Variants in SASH1 observed in about 807,000 individuals in gnomAD.
SASH1 encodes the protein SAM and SH3 domain-containing protein 1.
SASH1 carries 44 observed loss-of-function variants against 125.2 expected under a neutral mutation model. That is an observed-to-expected ratio of 0.35 (90% CI 0.28 to 0.45). The LOEUF is 0.45. SASH1 is among the 20% of genes least tolerant of loss of function. SASH1 has a pLI of 1.00. For synonymous variants in SASH1, 639 were observed against 649.1 expected (o/e 0.98, Z 0.24); for missense variants, 1,426 against 1,614.5 (o/e 0.88, Z 2.00).
chr6:148,370,591 A>G (rs1432837308), intron 1 of SASH1, among the ~76,000 whole-genome samples: 6 of 152,140 alleles, frequency 3.9e-5, no homozygotes, highest in African/African-American at 9.7e-5. Context: ...TGGGAAGCCA[A>G]GGTGGGCAGA....
At chr6:148,473,016 A>T (rs1346192789) in intron 6 of SASH1, among the ~76,000 whole-genome samples, 1 of 152,196 alleles carries the variant, frequency 6.6e-6, no homozygotes, top group Non-Finnish European at 1.5e-5. Flanking sequence ...TGTGGCTCAG[A>T]TATACCAGAG....
At chr6:148,248,448 G>T in the SASH1 span, among the ~76,000 whole-genome samples, 1 of 152,288 alleles carries the variant, frequency 6.6e-6, no homozygotes, top group South Asian at 2.1e-4. Context: ...ACTCTTTGCG[G>T]CATAACGTGC....
chr6:148,307,259 C>T (rs1200505136), intron 1 of SASH1, among the ~76,000 whole-genome samples: 2 of 151,894 alleles, frequency 1.3e-5, no homozygotes, highest in African/African-American at 4.8e-5. Flanking sequence ...GCTGGGATTA[C>T]AGGTGTGTGC....
At chr6:148,457,066 A>T (rs979536443) in intron 4 of SASH1, among the ~76,000 whole-genome samples, 1 of 151,250 alleles carries the variant, frequency 6.6e-6, no homozygotes, top group African/African-American at 2.4e-5. Context: ...AAGACAAAAA[A>T]AAAAAAAACC....
At chr6:148,402,619 T>TA (rs999190864) in intron 2 of SASH1, among the ~76,000 whole-genome samples, 1 of 34,134 alleles carries the variant, frequency 2.9e-5, no homozygotes, top group Non-Finnish European at 5.4e-5. Context: ...AAAAATGACA[T>TA]TTTTTTTTTT....
chr6:148,241,090 A>AG, the SASH1 span, among the ~76,000 whole-genome samples: 1 of 151,364 alleles, frequency 6.6e-6, no homozygotes, highest in Non-Finnish European at 1.5e-5. Flanking sequence ...AAGGCCATCA[A>AG]GGGGAAAAAA....
At chr6:148,356,514 T>TTTTTTTTTTTTGG (rs1781947002) in intron 1 of SASH1, among the ~76,000 whole-genome samples, 1 of 138,610 alleles carries the variant, frequency 7.2e-6, no homozygotes, top group African/African-American at 2.8e-5. Flanking sequence ...TTTTTTTTTT[T>TTTTTTTTTTTTGG]GAGACTGGGT....
intron 6 of SASH1, 32 bp downstream of exon 6, chr6:148,471,535 C>T (rs765592814): frequency 7.0e-6 from 9 of 1,279,324 alleles, no homozygotes; most frequent in Non-Finnish European, 3.4e-6. Context: ...ACAGTAGGTC[C>T]TTTTAGCTCT....
intron 2 of SASH1, among the ~76,000 whole-genome samples, chr6:148,394,249 A>G (rs1783854930): frequency 6.6e-6 from 1 of 152,150 alleles, no homozygotes; most frequent in Non-Finnish European, 1.5e-5. Flanking sequence ...GGGAAATTCT[A>G]AAACTGGCAA....
the SASH1 span, among the ~76,000 whole-genome samples, chr6:148,195,596 G>A: frequency 5.3e-5 from 8 of 152,208 alleles, no homozygotes; most frequent in South Asian, 2.1e-4. Context: ...CTTTCACCCC[G>A]GCTCCAGCAC....
At position 148,394,184 on chromosome 6, in the gene SASH1, C is replaced by T. The variant is rs182020840; in HGVS notation, c.285+3922C>T. On this transcript the variant is annotated intron_variant, in intron 2 of 19. Coordinates refer to ENST00000367467, the MANE Select transcript of SASH1 (RefSeq NM_015278.5). ...CTGGGATTACAGGCGTGAGTCACTGCGCTCAGCCTTCAGATTCTCTTTCTA... is the reference window on the plus strand; with the variant it reads ...CTGGGATTACAGGCGTGAGTCACTGTGCTCAGCCTTCAGATTCTCTTTCTA... Among the ~76,000 whole-genome samples, 15 of 152,122 alleles carry T rather than the reference C, an allele frequency of 9.9e-5. No homozygotes were observed. The East Asian group carries it at 1.9e-3, about 20-fold the overall frequency.
chr6:148,274,139 A>G (rs1051486601), intron 1 of SASH1, among the ~76,000 whole-genome samples: 3 of 152,158 alleles, frequency 2.0e-5, no homozygotes, highest in African/African-American at 7.2e-5. Flanking sequence ...CTGAAATATG[A>G]GTTGTGAGAG....
chr6:148,304,863 A>G (rs1303098516), intron 1 of SASH1, among the ~76,000 whole-genome samples: 1 of 152,096 alleles, frequency 6.6e-6, no homozygotes, highest in Non-Finnish European at 1.5e-5. Flanking sequence ...TCCCGTCTCT[A>G]TTAAAAATAC....
At chr6:148,368,770 G>GCACACACACACACACA (rs377455429) in intron 1 of SASH1, among the ~76,000 whole-genome samples, 17,711 of 135,654 alleles carry the variant, frequency 0.13, 1,253 homozygotes, top group South Asian at 0.2. Context: ...GCACGCGCGC[G>GCACACACACACACACA]CACACACACA....
At chr6:148,233,489 T>C in the SASH1 span, among the ~76,000 whole-genome samples, 4 of 152,138 alleles carry the variant, frequency 2.6e-5, no homozygotes, top group African/African-American at 7.2e-5. Flanking sequence ...GTATGTACTA[T>C]GTGCCAATCA....
chr6:148,486,936 AATATATATATATAT>A lies in SASH1; in HGVS notation c.628-633_628-620del, dbSNP rs68036618. ...AGACCCTGTCTCAACAACAACAACA[AATATATATATATAT>A]ATATATATATATATATATATATATA... On this transcript the variant is annotated intron_variant, in intron 7 of 19. Coordinates refer to ENST00000367467, the MANE Select transcript of SASH1 (RefSeq NM_015278.5). 6.1e-3 allele frequency among the ~76,000 whole-genome samples: 379 copies of A among 61,910 alleles called. 12 individuals carry two copies. The highest frequency in any genetic ancestry group is 0.01 in the African/African-American group (124 of 11,982). 40.6% of individuals were successfully genotyped at this position (61,910 alleles called of 152,430 possible). A position where few individuals can be genotyped will look rare whatever the true frequency, so the allele number is the denominator to read the frequency against.
chr6:148,251,955 A>G, the SASH1 span, among the ~76,000 whole-genome samples: 2 of 151,418 alleles, frequency 1.3e-5, no homozygotes, highest in South Asian at 4.2e-4. Flanking sequence ...TCCTTGCGAT[A>G]GTTTACTGAG....
chr6:148,503,592 C>G (rs12208566), intron 8 of SASH1, among the ~76,000 whole-genome samples: 35,950 of 152,092 alleles, frequency 0.24, 4,967 homozygotes, highest in Middle Eastern at 0.36. Flanking sequence ...TGGGGTTTCT[C>G]TAAAGGAAAA....
intron 2 of SASH1, among the ~76,000 whole-genome samples, chr6:148,408,866 A>T (rs573121274): frequency 2.0e-5 from 3 of 152,072 alleles, no homozygotes; most frequent in African/African-American, 7.2e-5. Flanking sequence ...GTGTCCCCTT[A>T]TTTTCATTAT....
Sources: allele counts gnomAD v4.1 joint callset (sites outside exome capture counted in the v4.1 genomes callset), GRCh38; gene constraint gnomAD v4.1.1; transcripts MANE v1.5; gene names NCBI Gene and HGNC (gene_info 2026-07-23, HGNC 2026-07-21).